Variants in EYA3 observed in about 807,000 individuals in gnomAD.
The protein encoded by EYA3 is protein phosphatase EYA3.
Under a neutral mutation model 80.0 loss-of-function variants are expected in EYA3, and 39 were observed. The ratio of observed to expected loss-of-function variants is 0.49; its 90% CI spans 0.38 to 0.64. The LOEUF (loss-of-function observed/expected upper bound fraction) is 0.64. EYA3 is among the 30% of genes least tolerant of loss of function. The probability of loss-of-function intolerance (pLI) is 0.00; values close to 1 mark genes in which losing one functional copy is unlikely to be tolerated. For missense variants in EYA3, 523 were observed against 676.1 expected (o/e 0.77, Z 2.51); for synonymous variants, 206 against 232.8 (o/e 0.88, Z 1.05).
intron 1 of EYA3, among the ~76,000 whole-genome samples, chr1:28,075,577 T>C (rs936714025): frequency 9.9e-5 from 15 of 152,108 alleles, no homozygotes; most frequent in Admixed American, 4.6e-4. Context: ...TTCACCATGA[T>C]TGGAGGCTGT....
At position 28,018,629 on chromosome 1, in the gene EYA3, T is replaced by C. The variant is rs111781061; in HGVS notation, c.500-1390A>G. 7.7e-3 allele frequency among the ~76,000 whole-genome samples: 1,170 copies of C among 152,290 alleles called. 10 individuals are homozygous for C. Among genetic ancestry groups the C allele is most frequent in the Middle Eastern group, 0.051 (15 of 292 alleles). ...CTTAAGTGCTCTGGTCAAAATTAGA[T>C]AATTTTCATCCCTTTCCCTAAGGGT... On this transcript the variant is annotated intron_variant, in intron 7 of 17. Transcript: ENST00000373871.
chr1:27,982,432 C>T (rs753190098), intron 16 of EYA3, among the ~76,000 whole-genome samples: 1 of 151,096 alleles, frequency 6.6e-6, no homozygotes, highest in Non-Finnish European at 1.5e-5. Flanking sequence ...AGGCGTGAGC[C>T]ACTCCACCTG....
At chr1:27,995,928 A>AG (rs774072194) in intron 13 of EYA3, among the ~76,000 whole-genome samples, 1 of 152,242 alleles carries the variant, frequency 6.6e-6, no homozygotes, top group East Asian at 1.9e-4. Context: ...GTTGGAGTGC[A>AG]GGGGCGTGAT....
intron 14 of EYA3, among the ~76,000 whole-genome samples, chr1:27,991,321 A>G (rs1021603542): frequency 2.0e-5 from 3 of 152,174 alleles, no homozygotes; most frequent in Non-Finnish European, 4.4e-5. Context: ...CTTGCTTCAG[A>G]ACATGTTGAC....
chr1:28,024,518 G>A (rs570880730), intron 7 of EYA3, among the ~76,000 whole-genome samples: 24 of 151,828 alleles, frequency 1.6e-4, no homozygotes, highest in African/African-American at 4.6e-4. Flanking sequence ...TTAGCTGGGC[G>A]TGGTGGTGGG....
At chr1:28,010,617 C>T (rs1339694631) in intron 10 of EYA3, among the ~76,000 whole-genome samples, 3 of 152,078 alleles carry the variant, frequency 2.0e-5, no homozygotes, top group Non-Finnish European at 2.9e-5. Context: ...GCGATCCTCC[C>T]GCTTCAGCCT....
chr1:28,077,562 T>G (rs1488303861), intron 1 of EYA3, among the ~76,000 whole-genome samples: 1 of 152,236 alleles, frequency 6.6e-6, no homozygotes, highest in Non-Finnish European at 1.5e-5. Context: ...CCAACACTCC[T>G]TGGATCTCTC....
chr1:28,047,129 G>T (rs1033994678), intron 3 of EYA3, among the ~76,000 whole-genome samples: 1 of 150,330 alleles, frequency 6.7e-6, no homozygotes. Context: ...CACCACACCT[G>T]GCCAGTTAAG....
chr1:28,068,550 TC>T (rs904159007), intron 1 of EYA3, among the ~76,000 whole-genome samples: 9 of 151,864 alleles, frequency 5.9e-5, no homozygotes, highest in Admixed American at 4.6e-4. Flanking sequence ...AAAATAACAT[TC>T]CTTTTTTTTT....
intron 11 of EYA3, among the ~76,000 whole-genome samples, chr1:28,001,738 C>CAA (rs1160378243): frequency 1.7e-4 from 6 of 36,256 alleles, no homozygotes; most frequent in Admixed American, 3.1e-4. Context: ...GACTCTGTCT[C>CAA]AAAAAAAAAA....
intron 1 of EYA3, among the ~76,000 whole-genome samples, chr1:28,065,780 G>A (rs1235828682): frequency 6.6e-6 from 1 of 151,026 alleles, no homozygotes; most frequent in Admixed American, 6.6e-5. Context: ...CGAGGCGGGC[G>A]GATCATGAGG....
chr1:28,072,906 G>C lies in EYA3; in HGVS notation c.-68-14812C>G, dbSNP rs140919744. 3.6e-4 allele frequency among the ~76,000 whole-genome samples: 54 copies of C among 151,318 alleles called. No individual in the cohort carries two copies. The East Asian group carries it at 9.9e-3, about 28-fold the overall frequency. ...ATGGAATACTGTACAGTAAATCACA[G>C]AACAATCTGGATGAAACTCAAATGC... On this transcript the variant is annotated intron_variant, in intron 1 of 17. Transcript: ENST00000373871.
At position 27,974,359 on chromosome 1, in the gene EYA3, C is replaced by G; in HGVS notation, c.*107G>C. The G allele has an allele frequency of 4.7e-5, 33 of 703,872 alleles. No homozygotes were observed. The highest frequency in any genetic ancestry group is 1.6e-4 in the East Asian group (6 of 36,708). 43.6% of individuals were successfully genotyped at this position (703,872 alleles called of 1,614,324 possible). A position where few individuals can be genotyped will look rare whatever the true frequency, so the allele number is the denominator to read the frequency against. On this transcript the variant is annotated 3_prime_UTR_variant, in exon 18 of 18. Coordinates refer to ENST00000373871, the MANE Select transcript of EYA3 (RefSeq NM_001990.4). ...AGAGAGAAAGAGAGAGAGATAGAGA[C>G]AGAGACACAGAGAGAGACAGACAGA...
At chr1:28,049,707 T>C (rs190099504) in intron 2 of EYA3, among the ~76,000 whole-genome samples, 1 of 152,254 alleles carries the variant, frequency 6.6e-6, no homozygotes, top group Non-Finnish European at 1.5e-5. Context: ...GGAAATATGA[T>C]CTGACCTAGA....
intron 7 of EYA3, 97 bp from the exon 8 acceptor site, chr1:28,017,336 G>A (rs1028416661): frequency 1.2e-6 from 1 of 850,806 alleles, no homozygotes; most frequent in Non-Finnish European, 1.8e-6. Flanking sequence ...GATTTATAAG[G>A]AGATAAACAA....
intron 1 of EYA3, 71 bp from the exon 2 acceptor site, chr1:28,058,165 G>T (rs1644497626): frequency 3.5e-6 from 2 of 570,718 alleles, no homozygotes; most frequent in Non-Finnish European, 5.7e-6. Flanking sequence ...ATCAGAGAAT[G>T]ATTTTTTAGT....
intron 5 of EYA3, among the ~76,000 whole-genome samples, chr1:28,037,861 C>G (rs1411883249): frequency 1.3e-5 from 2 of 152,148 alleles, no homozygotes; most frequent in Non-Finnish European, 2.9e-5. Flanking sequence ...GCTTTTGTTA[C>G]CAATTTCTTT....
At chr1:28,071,380 A>G (rs1441531795) in intron 1 of EYA3, among the ~76,000 whole-genome samples, 2 of 152,196 alleles carry the variant, frequency 1.3e-5, no homozygotes, top group African/African-American at 4.8e-5. Flanking sequence ...TTTTGATTGA[A>G]GTTCCTATTT....
intron 3 of EYA3, among the ~76,000 whole-genome samples, chr1:28,045,746 C>T (rs1289656002): frequency 6.6e-6 from 1 of 151,968 alleles, no homozygotes; most frequent in Non-Finnish European, 1.5e-5. Context: ...TTTTGCTTAA[C>T]AATGAATACA....
Sources: allele counts gnomAD v4.1 joint callset (sites outside exome capture counted in the v4.1 genomes callset), GRCh38; gene constraint gnomAD v4.1.1; transcripts MANE v1.5; gene names NCBI Gene and HGNC (gene_info 2026-07-23, HGNC 2026-07-21).